The following TSPAN16 variants were observed in gnomAD, a reference collection of about 807,000 sequenced individuals.
The protein encoded by TSPAN16 is tetraspanin-16.
Under a neutral mutation model 25.2 loss-of-function variants are expected in TSPAN16, and 23 were observed. That is an observed-to-expected ratio of 0.91 (90% confidence interval 0.66 to 1.29). The LOEUF is 1.29. Ranked by LOEUF, TSPAN16 falls within the 50% of genes most tolerant of loss-of-function variation. TSPAN16 has a pLI of 0.00. For missense variants in TSPAN16, 272 were observed against 299.9 expected, an observed-to-expected ratio of 0.91 and a Z score of 0.69; for synonymous variants, 123 against 124.4, an observed-to-expected ratio of 0.99 and a Z score of 0.08.
chr19:11,311,477 CTGGAGTGCAGTGGCA>C (rs2080691954), intron 5 of TSPAN16, among the ~76,000 whole-genome samples: 2 of 152,084 alleles, frequency 1.3e-5, no homozygotes, highest in African/African-American at 2.4e-5. Flanking sequence ...GTCCCCTGGG[CTGGAGTGCAGTGGCA>C]TGATCATGGC....
At chr19:11,299,995 AAAAAAG>A (rs1170097794) in intron 3 of TSPAN16, among the ~76,000 whole-genome samples, 13 of 151,990 alleles carry the variant, frequency 8.6e-5, no homozygotes, top group African/African-American at 2.7e-4. Flanking sequence ...GAAAAAAAAA[AAAAAAG>A]AAAAGAAAAG....
downstream of TSPAN16, among the ~76,000 whole-genome samples, chr19:11,318,324 C>T (rs867355782): frequency 4.1e-4 from 62 of 152,042 alleles, no homozygotes; most frequent in African/African-American, 1.4e-3. Flanking sequence ...CACACCCAGC[C>T]TAATTTTTTG....
intron 4 of TSPAN16, among the ~76,000 whole-genome samples, chr19:11,301,701 T>C (rs1213632974): frequency 6.6e-6 from 1 of 151,122 alleles, no homozygotes; most frequent in Non-Finnish European, 1.5e-5. Context: ...CTAAGGAGGC[T>C]GAGGTGGGAG....
At chr19:11,309,747 T>C (rs1348298467) in intron 5 of TSPAN16, among the ~76,000 whole-genome samples, 1 of 152,206 alleles carries the variant, frequency 6.6e-6, no homozygotes, top group Non-Finnish European at 1.5e-5. Flanking sequence ...AGGGCAGGAA[T>C]TTTGTCTGTT....
At chr19:11,325,450 C>A in intron 6 of TSPAN16, 1 of 1,610,232 alleles carries the variant, frequency 6.2e-7, no homozygotes, top group South Asian at 1.1e-5. Context: ...CACGGCCGGG[C>A]CTTTCCCGTT....
chr19:11,302,642 C>CACATACATATATAT (rs944561206), intron 4 of TSPAN16, among the ~76,000 whole-genome samples: 6 of 130,542 alleles, frequency 4.6e-5, no homozygotes, highest in Non-Finnish European at 9.3e-5. Flanking sequence ...TACACACATA[C>CACATACATATATAT]ATATATATAT....
chr19:11,296,399 T>C (rs1238523780), intron 1 of TSPAN16, 33 bp downstream of exon 1: 3 of 1,606,094 alleles, frequency 1.9e-6, no homozygotes, highest in East Asian at 4.5e-5. Flanking sequence ...CCCTGGTTTG[T>C]TGCAGCCCTT....
At chr19:11,321,032 A>G (rs1035527781) in intron 6 of TSPAN16, among the ~76,000 whole-genome samples, 4 of 151,866 alleles carry the variant, frequency 2.6e-5, no homozygotes, top group Non-Finnish European at 4.4e-5. Flanking sequence ...AGCCAGGCGT[A>G]GTGGAGTGTG....
At chr19:11,301,409 G>A in intron 4 of TSPAN16, 101 bp downstream of exon 4, 1 of 800,268 alleles carries the variant, frequency 1.2e-6, no homozygotes, top group Non-Finnish European at 2.1e-6. Flanking sequence ...GGAGGCCGAG[G>A]TGGGAGGATC....
intron 3 of TSPAN16, 194 bp from the exon 4 acceptor site, chr19:11,301,007 T>C (rs1207647819): frequency 1.8e-6 from 1 of 556,632 alleles, no homozygotes; most frequent in African/African-American, 1.9e-5. Flanking sequence ...GTCTCCCTGT[T>C]TCCCTCTCTT....
chr19:11,298,989 A>G (rs1481862580), intron 3 of TSPAN16, 43 bp downstream of exon 3: 1 of 1,600,612 alleles, frequency 6.2e-7, no homozygotes, highest in Admixed American at 1.7e-5. Flanking sequence ...TAGAAAGATA[A>G]AGAACCAAGG....
At chr19:11,322,677 A>G (rs1044233584) in intron 6 of TSPAN16, 6 of 152,216 alleles carry the variant, frequency 3.9e-5, no homozygotes, top group African/African-American at 1.4e-4. Flanking sequence ...GAAGAAACAA[A>G]TGTTCCCATA....
intron 5 of TSPAN16, chr19:11,308,203 A>C (rs1484779158): frequency 6.6e-6 from 1 of 152,232 alleles, no homozygotes; most frequent in Non-Finnish European, 1.5e-5. Flanking sequence ...TTCCCCCTTA[A>C]CTTCTTCCAC....
intron 6 of TSPAN16, chr19:11,323,862 G>GGGGTGTTGGTTGGTGTTTGGGAGCAAA (rs1184713616): frequency 6.6e-6 from 1 of 152,242 alleles, no homozygotes; most frequent in African/African-American, 2.4e-5. Context: ...GTCCTGTGAA[G>GGGGTGTTGGTTGGTGTTTGGGAGCAAA]GGGTGTTGGT....
chr19:11,324,905 C>A (rs1041858435), intron 6 of TSPAN16: 6 of 152,796 alleles, frequency 3.9e-5, no homozygotes, highest in African/African-American at 1.4e-4. Flanking sequence ...GGCTCAGAGA[C>A]CAGCCTGCAG....
intron 6 of TSPAN16, 54 bp downstream of exon 6, chr19:11,312,276 A>T: frequency 8.2e-7 from 1 of 1,226,486 alleles, no homozygotes; most frequent in Non-Finnish European, 1.2e-6. Context: ...CACCTACTGT[A>T]TGCCAAACAC....
chr19:11,326,677 C>T (rs2080815115), intron 6 of TSPAN16: 2 of 641,076 alleles, frequency 3.1e-6, no homozygotes. Context: ...GAACATGGCT[C>T]ATTGCAGCCT....
intron 1 of TSPAN16, among the ~76,000 whole-genome samples, chr19:11,296,781 G>A (rs2147931162): frequency 6.6e-6 from 1 of 152,368 alleles, no homozygotes; most frequent in African/African-American, 2.4e-5. Context: ...GCTCATGCCT[G>A]TAATCCCAAC....
chr19:11,314,880 C>A (rs139782800), intron 6 of TSPAN16, among the ~76,000 whole-genome samples: 28 of 152,172 alleles, frequency 1.8e-4, no homozygotes, highest in African/African-American at 5.8e-4. Flanking sequence ...CAAGCCTAAC[C>A]GGAAGTTATG....
Sources: allele counts gnomAD v4.1 joint callset (sites outside exome capture counted in the v4.1 genomes callset), GRCh38; gene constraint gnomAD v4.1.1; transcripts MANE v1.5; gene names NCBI Gene and HGNC (gene_info 2026-07-23, HGNC 2026-07-21).